Variants in SCHIP1 observed in about 807,000 individuals in gnomAD.
SCHIP1 encodes the protein schwannomin interacting protein 1.
In SCHIP1, 8 loss-of-function variants were observed where a neutral mutation model predicts 29.7. That is an observed-to-expected ratio of 0.27 (90% CI 0.16 to 0.49). The LOEUF is 0.49. Among genes scored for constraint, SCHIP1 ranks in the 20% least tolerant of loss-of-function variants. The pLI, the probability that SCHIP1 is intolerant of heterozygous loss-of-function variation, is 0.99. For missense variants in SCHIP1, 193 were observed against 294.6 expected, an observed-to-expected ratio of 0.66 and a Z score of 2.52; for synonymous variants, 76 against 94.9, an observed-to-expected ratio of 0.80 and a Z score of 1.16.
At chr3:159,821,851 T>TC in the SCHIP1 span, among the ~76,000 whole-genome samples, 1 of 152,080 alleles carries the variant, frequency 6.6e-6, no homozygotes, top group Non-Finnish European at 1.5e-5. Context: ...AAAATGAGGG[T>TC]CACTTGGACA....
the SCHIP1 span, among the ~76,000 whole-genome samples, chr3:159,551,642 T>G: frequency 6.6e-6 from 1 of 152,202 alleles, no homozygotes; most frequent in Non-Finnish European, 1.5e-5. Context: ...TTATATATTT[T>G]TCAAATATGG....
the SCHIP1 span, among the ~76,000 whole-genome samples, chr3:159,725,722 C>T: frequency 3.4e-4 from 52 of 152,308 alleles, no homozygotes; most frequent in Middle Eastern, 3.4e-3. Context: ...TGGCAATAAT[C>T]GCAATGACAG....
the SCHIP1 span, among the ~76,000 whole-genome samples, chr3:159,675,388 G>A: frequency 6.6e-6 from 1 of 152,290 alleles, no homozygotes; most frequent in Non-Finnish European, 1.5e-5. Context: ...TAGATGAGTC[G>A]TGAAGGTTGA....
chr3:159,324,630 C>T, the SCHIP1 span, among the ~76,000 whole-genome samples: 1 of 152,054 alleles, frequency 6.6e-6, no homozygotes, highest in African/African-American at 2.4e-5. Flanking sequence ...AATTTGGAAT[C>T]AGGCCTGGGA....
At chr3:159,558,675 CAG>C in the SCHIP1 span, among the ~76,000 whole-genome samples, 4 of 152,170 alleles carry the variant, frequency 2.6e-5, no homozygotes, top group South Asian at 2.1e-4. Flanking sequence ...TTGCTCACAC[CAG>C]AGTCTCATCG....
At chr3:159,273,381 T>C in the SCHIP1 span, 1 of 998,458 alleles carries the variant, frequency 1.0e-6, no homozygotes, top group African/African-American at 1.7e-5. Flanking sequence ...AACTCTATTT[T>C]ATTGTATTAT....
the SCHIP1 span, among the ~76,000 whole-genome samples, chr3:159,312,247 A>G: frequency 1.7e-4 from 26 of 152,266 alleles, no homozygotes; most frequent in Non-Finnish European, 3.1e-4. Context: ...CTACAATCTC[A>G]GTGGCATAAG....
chr3:159,666,571 T>G, the SCHIP1 span, among the ~76,000 whole-genome samples: 1 of 152,174 alleles, frequency 6.6e-6, no homozygotes, highest in East Asian at 1.9e-4. Flanking sequence ...ATTGAAACAG[T>G]GAAAAGGATA....
At chr3:159,785,719 A>T in the SCHIP1 span, among the ~76,000 whole-genome samples, 1 of 152,196 alleles carries the variant, frequency 6.6e-6, no homozygotes. Flanking sequence ...CTGTCAAAAG[A>T]AAAATATATT....
chr3:159,592,155 C>T, the SCHIP1 span, among the ~76,000 whole-genome samples: 1 of 151,986 alleles, frequency 6.6e-6, no homozygotes, highest in South Asian at 2.1e-4. Context: ...GAATTGTTGC[C>T]TTGTATGGGT....
the SCHIP1 span, among the ~76,000 whole-genome samples, chr3:159,635,078 TA>T: frequency 6.6e-6 from 1 of 152,228 alleles, no homozygotes; most frequent in African/African-American, 2.4e-5. Context: ...ATCTAGGCTG[TA>T]AAATGGAGTT....
chr3:159,743,906 T>C, the SCHIP1 span, among the ~76,000 whole-genome samples: 60,222 of 152,076 alleles, frequency 0.4, 13,846 homozygotes, highest in Middle Eastern at 0.53. Context: ...AATTAAAAGT[T>C]TAATTTAAAA....
At chr3:159,427,712 A>T in the SCHIP1 span, among the ~76,000 whole-genome samples, 147 of 152,212 alleles carry the variant, frequency 9.7e-4, no homozygotes, top group African/African-American at 3.4e-3. Context: ...TTCATATGGA[A>T]CCAAAAAAGA....
chr3:159,673,201 T>A, the SCHIP1 span, among the ~76,000 whole-genome samples: 155 of 152,218 alleles, frequency 1.0e-3, 1 homozygote, highest in Non-Finnish European at 1.9e-3. Flanking sequence ...TCATTGACAC[T>A]GGGTCTCTGC....
intron 1 of SCHIP1, among the ~76,000 whole-genome samples, chr3:159,857,348 ACTCT>A (rs1560085082): frequency 6.6e-6 from 1 of 151,504 alleles, no homozygotes; most frequent in East Asian, 1.9e-4. Context: ...CTTCTACAGC[ACTCT>A]CTACTTGGTC....
the SCHIP1 span, chr3:159,275,059 A>G: frequency 1.0e-6 from 1 of 974,054 alleles, no homozygotes; most frequent in Non-Finnish European, 1.2e-6. Context: ...TTACATTTTG[A>G]CAGTGTATGA....
the SCHIP1 span, among the ~76,000 whole-genome samples, chr3:159,768,027 A>T: frequency 3.3e-5 from 5 of 152,042 alleles, no homozygotes; most frequent in Non-Finnish European, 7.4e-5. Context: ...ACCTAATCCA[A>T]CTCCCATTTT....
the SCHIP1 span, among the ~76,000 whole-genome samples, chr3:159,652,064 C>G: frequency 6.6e-6 from 1 of 151,346 alleles, no homozygotes. Context: ...CCACTGCACT[C>G]TAGCCTGATG....
At chr3:159,813,640 A>G in the SCHIP1 span, among the ~76,000 whole-genome samples, 1 of 151,992 alleles carries the variant, frequency 6.6e-6, no homozygotes, top group Non-Finnish European at 1.5e-5. Flanking sequence ...CTGAGGAGCG[A>G]TCACACCACT....
Sources: gnomAD v4.1 joint callset for allele counts (sites outside exome capture counted in the v4.1 genomes callset) on GRCh38, gnomAD v4.1.1 for gene constraint, MANE v1.5 for transcripts, NCBI Gene and HGNC (gene_info 2026-07-23, HGNC 2026-07-21) for gene names.